Variants in TMEM14A observed in about 807,000 individuals in gnomAD.
TMEM14A encodes transmembrane protein 14A.
In TMEM14A, 8 loss-of-function variants were observed where a neutral mutation model predicts 11.6. That is an observed-to-expected ratio of 0.69 (90% CI 0.40 to 1.24). The LOEUF (loss-of-function observed/expected upper bound fraction) is 1.24. TMEM14A is among the 50% of genes most tolerant of loss of function. The probability of loss-of-function intolerance (pLI) is 0.01; values close to 1 mark genes in which losing one functional copy is unlikely to be tolerated. For synonymous variants in TMEM14A, 34 were observed against 45.5 expected (o/e 0.75, Z 1.02); for missense variants, 108 against 121.9 (o/e 0.89, Z 0.54).
At chr6:52,678,205 A>G (rs553319628) in intron 2 of TMEM14A, among the ~76,000 whole-genome samples, 1 of 152,302 alleles carries the variant, frequency 6.6e-6, no homozygotes, top group African/African-American at 2.4e-5. Context: ...TTCACTGTCA[A>G]AGACAATGTC....
intron 2 of TMEM14A, among the ~76,000 whole-genome samples, chr6:52,680,655 GTGTATATATATGTGTA>G (rs1769356896): frequency 2.3e-4 from 2 of 8,840 alleles, no homozygotes; most frequent in African/African-American, 4.4e-4. Context: ...ATATATGTGT[GTGTATATATATGTGTA>G]TATATATATA....
intron 1 of TMEM14A, among the ~76,000 whole-genome samples, chr6:52,674,759 A>G (rs1286450667): frequency 6.6e-6 from 1 of 152,102 alleles, no homozygotes; most frequent in Non-Finnish European, 1.5e-5. Context: ...CTTCCTGCAG[A>G]TGATGAGCAT....
At chr6:52,672,401 A>T (rs1380194897) in intron 1 of TMEM14A, among the ~76,000 whole-genome samples, 1 of 152,014 alleles carries the variant, frequency 6.6e-6, no homozygotes, top group African/African-American at 2.4e-5. Context: ...GGAGAAAATT[A>T]GGTCTAGAAG....
At chr6:52,684,295 T>C in intron 4 of TMEM14A, 130 bp downstream of exon 4, 1 of 767,692 alleles carries the variant, frequency 1.3e-6, no homozygotes, top group Non-Finnish European at 2.1e-6. Context: ...AGTAAAAACC[T>C]TAAGATAGCA....
Position 52,680,585 on chromosome 6 carries a change from T to TATA in TMEM14A, c.71-1228_71-1227insATA, listed in dbSNP as rs1561874901. Reference sequence around the variant, plus strand: ...TGTAACATTCTAAGCCACTATATATTTATATATTTATATATATATATATAT... The same window carrying TATA: ...TGTAACATTCTAAGCCACTATATATTATATATATATTTATATATATATATATAT... On this transcript the variant is annotated intron_variant, in intron 2 of 4. Coordinates refer to ENST00000211314, the MANE Select transcript of TMEM14A (RefSeq NM_014051.4). Among the ~76,000 whole-genome samples the TATA allele has an allele frequency of 9.1e-3, 303 of 33,200 alleles. 7 individuals carry two copies. The highest frequency in any genetic ancestry group is 0.033 in the South Asian group (15 of 450). 21.8% of individuals were successfully genotyped at this position (33,200 alleles called of 152,430 possible).
intron 2 of TMEM14A, 28 bp downstream of exon 2, chr6:52,677,200 G>C (rs886874192): frequency 8.1e-6 from 13 of 1,609,532 alleles, no homozygotes; most frequent in Non-Finnish European, 8.5e-6. Context: ...TTTCATGAAA[G>C]GGAATTAGTG....
At chr6:52,685,700 G>C (rs1047121251) in intron 4 of TMEM14A, among the ~76,000 whole-genome samples, 5 of 152,054 alleles carry the variant, frequency 3.3e-5, no homozygotes, top group Admixed American at 2.6e-4. Context: ...GTTGGTCCTC[G>C]ATTATTTTTT....
intron 1 of TMEM14A, among the ~76,000 whole-genome samples, chr6:52,675,811 G>A (rs1769246092): frequency 2.0e-5 from 3 of 152,216 alleles, no homozygotes; most frequent in Admixed American, 6.5e-5. Flanking sequence ...ACTAATATCT[G>A]TACAGACATG....
chr6:52,684,272 T>C (rs766706167), intron 4 of TMEM14A, 107 bp downstream of exon 4: 16 of 1,003,180 alleles, frequency 1.6e-5, no homozygotes, highest in South Asian at 5.0e-5. Flanking sequence ...CTTTTTGTTA[T>C]AATAAGCATG....
intron 3 of TMEM14A, among the ~76,000 whole-genome samples, 164 bp downstream of exon 3, chr6:52,682,078 A>G (rs1423712552): frequency 6.6e-6 from 1 of 152,242 alleles, no homozygotes; most frequent in Admixed American, 6.5e-5. Flanking sequence ...AAGACCTGAT[A>G]AAAAATGATG....
chr6:52,686,013 C>G lies in TMEM14A; in HGVS notation c.264C>G (p.Leu88=). The G allele has an allele frequency of 6.2e-7, 1 of 1,610,826 alleles. No homozygotes were observed. The highest frequency in any genetic ancestry group is 8.5e-7 in the Non-Finnish European group (1 of 1,178,712). ...MPAGLVAGLS[L]MMILRLVLLL... ...CTTTGTTTTATTTTAAATCCAGCCT[C>G]ATGATGATCCTGAGACTTGTCTTGT... The change falls in exon 5 of 5, where the codon CTC becomes CTG. Residue 88 remains leucine, a synonymous_variant. Transcript: ENST00000211314.
chr6:52,675,613 A>G (rs1200007940), intron 1 of TMEM14A, among the ~76,000 whole-genome samples: 1 of 152,220 alleles, frequency 6.6e-6, no homozygotes. Flanking sequence ...GCACAGTAGG[A>G]TGTCATTGTC....
intron 2 of TMEM14A, among the ~76,000 whole-genome samples, chr6:52,680,667 G>GTGTATATATATATATACACATA (rs1561875047): frequency 2.0e-4 from 5 of 24,904 alleles, no homozygotes; most frequent in African/African-American, 5.6e-4. Flanking sequence ...GTATATATAT[G>GTGTATATATATATATACACATA]TGTATATATA....
chr6:52,684,069 G>T lies in TMEM14A; in HGVS notation c.173-9G>T. On this transcript the variant is annotated splice_polypyrimidine_tract_variant and intron_variant, in intron 3 of 4. Transcript: ENST00000211314. ...GAAACTCTGGTTCATGAATTAGTTT[G>T]GTTTTCAGTTACAGCTTTCTTCCTG... 1 of 1,610,930 alleles carries T rather than the reference G, an allele frequency of 6.2e-7. No homozygotes were observed. Among genetic ancestry groups the T allele is most frequent in the South Asian group, 1.1e-5 (1 of 90,192 alleles).
chr6:52,684,068 T>A lies in TMEM14A; in HGVS notation c.173-10T>A. On this transcript the variant is annotated splice_polypyrimidine_tract_variant and intron_variant, in intron 3 of 4. Transcript: ENST00000211314. ...TGAAACTCTGGTTCATGAATTAGTT[T>A]GGTTTTCAGTTACAGCTTTCTTCCT... 6.2e-7 allele frequency: 1 copy of A among 1,610,696 alleles called. No individual in the cohort carries two copies. Among genetic ancestry groups the A allele is most frequent in the Non-Finnish European group, 8.5e-7 (1 of 1,178,894 alleles).
intron 1 of TMEM14A, among the ~76,000 whole-genome samples, chr6:52,674,373 A>G (rs1398351051): frequency 6.6e-6 from 1 of 152,198 alleles, no homozygotes; most frequent in Non-Finnish European, 1.5e-5. Flanking sequence ...CTCAGTTATC[A>G]GAGGTGATGT....
rs994671995 is a variant in TMEM14A at position 52,686,528 on chromosome 6, C to G, written c.*479C>G. The G allele has an allele frequency of 2.6e-5, 10 of 380,700 alleles. No homozygotes were observed. Among genetic ancestry groups the G allele is most frequent in the Non-Finnish European group, 3.7e-5 (8 of 213,632 alleles). The allele number at this position is 380,700 out of a possible 1,614,324, so 23.6% of individuals were successfully genotyped here. The stretch of plus-strand genomic sequence containing the variant: ...TTTCTTTAAAAAATTTTATTCTTAG[C>G]ACACTGTTATGTCCTAACTGAATGT... On this transcript the variant is annotated 3_prime_UTR_variant, in exon 5 of 5. Transcript: ENST00000211314.
At position 52,681,850 on chromosome 6, in the gene TMEM14A, A is replaced by ATG. The variant is rs1461580478; in HGVS notation, c.110_111dup (p.Leu38ValfsTer17). The ATG allele has an allele frequency of 6.2e-7, 1 of 1,613,640 alleles. No homozygotes were observed. Among genetic ancestry groups the ATG allele is most frequent in the Non-Finnish European group, 8.5e-7 (1 of 1,179,926 alleles). On this transcript the variant is annotated frameshift_variant, in exon 3 of 5. Coordinates refer to ENST00000211314, the MANE Select transcript of TMEM14A (RefSeq NM_014051.4). LOFTEE classifies it high-confidence loss of function. ...CTTTGATTGCTGGTCTTTTTGTTGG[A>ATG]TGTTTGGCCGGCTATGGAGCTTACC...
chr6:52,678,609 A>T (rs1464767733), intron 2 of TMEM14A, among the ~76,000 whole-genome samples: 1 of 152,198 alleles, frequency 6.6e-6, no homozygotes, highest in Non-Finnish European at 1.5e-5. Context: ...AGCATGGGCC[A>T]CAGAATCAAG....
Sources: allele counts gnomAD v4.1 joint callset (sites outside exome capture counted in the v4.1 genomes callset), GRCh38; gene constraint gnomAD v4.1.1; transcripts MANE v1.5; gene names NCBI Gene and HGNC (gene_info 2026-07-23, HGNC 2026-07-21).